Variants in PTPRA observed in about 807,000 individuals in gnomAD.
The protein encoded by PTPRA is receptor-type tyrosine-protein phosphatase alpha.
PTPRA carries 25 observed loss-of-function variants against 104.8 expected under a neutral mutation model. The observed-to-expected ratio is 0.24, with a 90% CI of 0.17 to 0.33. PTPRA has a LOEUF of 0.33. Ranked by LOEUF, PTPRA falls within the 10% of genes least tolerant of loss-of-function variation. The probability of loss-of-function intolerance (pLI) is 1.00; values close to 1 mark genes in which losing one functional copy is unlikely to be tolerated. For missense variants in PTPRA, 765 were observed against 1,015.3 expected, an observed-to-expected ratio of 0.75 and a Z score of 3.35; for synonymous variants, 323 against 368.9, an observed-to-expected ratio of 0.88 and a Z score of 1.43.
intron 3 of PTPRA, among the ~76,000 whole-genome samples, chr20:2,962,295 T>A (rs2061782931): frequency 6.6e-6 from 1 of 152,220 alleles, no homozygotes; most frequent in African/African-American, 2.4e-5. Context: ...CACTTCTACC[T>A]TTATGATTTC....
chr20:2,866,491 G>C, the PTPRA span: 10 of 1,614,154 alleles, frequency 6.2e-6, no homozygotes, highest in Middle Eastern at 3.3e-4. Context: ...GCTGAGCCTC[G>C]TATTGTCCCA....
chr20:2,874,658 G>A (rs2089597158), intron 1 of PTPRA, among the ~76,000 whole-genome samples: 1 of 152,122 alleles, frequency 6.6e-6, no homozygotes, highest in Admixed American at 6.5e-5. Context: ...GGACTGACTA[G>A]GAAAGGGCGA....
chr20:2,990,558 C>A (rs1400916863), intron 9 of PTPRA, among the ~76,000 whole-genome samples: 1 of 152,152 alleles, frequency 6.6e-6, no homozygotes, highest in East Asian at 1.9e-4. Flanking sequence ...ATCTCTACAA[C>A]AACAACAACA....
At chr20:2,969,583 G>A (rs888145777) in intron 5 of PTPRA, among the ~76,000 whole-genome samples, 19 of 142,088 alleles carry the variant, frequency 1.3e-4, no homozygotes, top group Non-Finnish European at 2.8e-4. Context: ...GGCCGGGCGC[G>A]GCGGCTCATG....
At chr20:2,864,282 A>C in the PTPRA span, 1 of 1,614,008 alleles carries the variant, frequency 6.2e-7, no homozygotes, top group Non-Finnish European at 8.5e-7. The surrounding 1 kb of genome is among the most constrained non-coding windows in gnomAD (Gnocchi z 5.2). Context: ...GGGGACACTG[A>C]CCTGGGTGAG....
At chr20:2,890,807 A>C (rs764561457) in intron 1 of PTPRA, among the ~76,000 whole-genome samples, 48 of 151,358 alleles carry the variant, frequency 3.2e-4, no homozygotes, top group Non-Finnish European at 7.4e-5. Flanking sequence ...TTCTTTGACC[A>C]CTCCTTGTTT....
chr20:2,932,221 C>G (rs1453226015), intron 2 of PTPRA, among the ~76,000 whole-genome samples: 1 of 152,066 alleles, frequency 6.6e-6, no homozygotes, highest in Non-Finnish European at 1.5e-5. Context: ...TAGATTTAAT[C>G]AGGAGGTTAT....
the PTPRA span, among the ~76,000 whole-genome samples, chr20:2,865,721 T>C: frequency 6.6e-6 from 1 of 152,138 alleles, no homozygotes; most frequent in Non-Finnish European, 1.5e-5. This position sits in a 1 kb window ranked among gnomAD's most constrained non-coding sequence, Gnocchi z 5.2. Flanking sequence ...GGAGAGAGAA[T>C]GAGCTGCTTT....
chr20:2,976,217 C>A (rs2062425738), intron 6 of PTPRA, among the ~76,000 whole-genome samples: 1 of 152,210 alleles, frequency 6.6e-6, no homozygotes, highest in African/African-American at 2.4e-5. Context: ...TGGATTAATA[C>A]AGTGTCTTTG....
chr20:2,913,000 C>T (rs1434554000), intron 1 of PTPRA, among the ~76,000 whole-genome samples: 2 of 152,076 alleles, frequency 1.3e-5, no homozygotes, highest in Non-Finnish European at 2.9e-5. Context: ...AGAAAAATTG[C>T]AAGAATAGTT....
chr20:2,959,721 G>A (rs182818329), intron 3 of PTPRA, among the ~76,000 whole-genome samples: 1 of 152,276 alleles, frequency 6.6e-6, no homozygotes, highest in African/African-American at 2.4e-5. Context: ...GGAAGGCCAA[G>A]GTGGGCAGAT....
chr20:2,897,040 C>T (rs1046157158), intron 1 of PTPRA, among the ~76,000 whole-genome samples: 1 of 152,130 alleles, frequency 6.6e-6, no homozygotes, highest in African/African-American at 2.4e-5. Context: ...GCAGGAATAC[C>T]AAAGACACGA....
chr20:3,032,131 C>T lies in PTPRA; in HGVS notation c.1921-3454C>T, dbSNP rs1226394441. 4.6e-5 allele frequency among the ~76,000 whole-genome samples: 7 copies of T among 152,318 alleles called. No individual in the cohort carries two copies. The South Asian group carries it at 1.4e-3, about 32-fold the overall frequency. ...CTGGCCTCATTCTTCTCCAAGAAAT[C>T]AGACAAGAACACTGTCATCCTCCCA... On this transcript the variant is annotated intron_variant, in intron 20 of 23. Transcript: ENST00000399903.
intron 3 of PTPRA, among the ~76,000 whole-genome samples, chr20:2,954,077 CTTTT>C (rs35144002): frequency 4.9e-5 from 5 of 102,610 alleles, no homozygotes; most frequent in Non-Finnish European, 9.5e-5. Flanking sequence ...ACCCGGCTAA[CTTTT>C]TTTTTTTTTT....
intron 1 of PTPRA, among the ~76,000 whole-genome samples, chr20:2,914,445 C>CTG (rs35272226): frequency 0.086 from 12,488 of 145,636 alleles, 485 homozygotes; most frequent in African/African-American, 0.1. Flanking sequence ...ATTTCTTGCT[C>CTG]TGTGTGTGTG....
chr20:2,931,277 G>A (rs1226411239), intron 2 of PTPRA, among the ~76,000 whole-genome samples: 2 of 152,152 alleles, frequency 1.3e-5, no homozygotes, highest in African/African-American at 2.4e-5. Context: ...CAAGTAGAAA[G>A]ACCAGAGAGA....
In PTPRA at chr20:3,037,030, G is replaced by A. The variant is rs1205465241; in HGVS notation, c.2199-124G>A. 8 of 1,362,872 alleles carry A rather than the reference G, an allele frequency of 5.9e-6. No individual in the cohort carries two copies. Among genetic ancestry groups the A allele is most frequent in the Middle Eastern group, 2.6e-4 (1 of 3,824 alleles). 84.4% of individuals were successfully genotyped at this position (1,362,872 alleles called of 1,614,324 possible). ...GACCCAGAACCCCTCCAGGCTGGTGGGTCCACAGGGCAAAGGCGAGCACCA... is the reference window on the plus strand; with the variant it reads ...GACCCAGAACCCCTCCAGGCTGGTGAGTCCACAGGGCAAAGGCGAGCACCA... On this transcript the variant is annotated intron_variant, in intron 22 of 23. Coordinates refer to ENST00000399903, the MANE Select transcript of PTPRA (RefSeq NM_001385305.1). The surrounding 1 kb of genome is among the most constrained non-coding windows in gnomAD (Gnocchi z 4.3).
At chr20:2,909,845 TAAG>T (rs1471999544) in intron 1 of PTPRA, among the ~76,000 whole-genome samples, 1 of 128,904 alleles carries the variant, frequency 7.8e-6, no homozygotes, top group Non-Finnish European at 1.5e-5. Context: ...ATATATAATA[TAAG>T]ATAATATATA....
rs2059580913 is a variant in PTPRA, at chr20:2,909,914, T to TAATATA, written c.-128-13293_-128-13292insAATATA. Among the ~76,000 whole-genome samples the TAATATA allele has an allele frequency of 1.8e-4, 23 of 131,268 alleles. 1 individual carries two copies. The highest frequency in any genetic ancestry group is 9.4e-4 in the Admixed American group (11 of 11,758). 86.1% of individuals were successfully genotyped at this position (131,268 alleles called of 152,430 possible). A position where few individuals can be genotyped will look rare whatever the true frequency, so the allele number is the denominator to read the frequency against. On this transcript the variant is annotated intron_variant, in intron 1 of 23. Coordinates refer to ENST00000399903, the MANE Select transcript of PTPRA (RefSeq NM_001385305.1). ...TAATATATAATATATGACATATATA[T>TAATATA]GTTATATATTGTTATATATAATATG...
Sources: gnomAD v4.1 joint callset for allele counts (sites outside exome capture counted in the v4.1 genomes callset) on GRCh38, gnomAD v4.1.1 for gene constraint, Gnocchi (gnomAD v3.1) non-coding constraint, MANE v1.5 for transcripts, NCBI Gene and HGNC (gene_info 2026-07-23, HGNC 2026-07-21) for gene names.